PCM1: variants seen among roughly 807,000 people sequenced by gnomAD.
The protein encoded by PCM1 is pericentriolar material 1.
Under a neutral mutation model 241.9 loss-of-function variants are expected in PCM1, and 157 were observed. The observed-to-expected ratio is 0.65, with a 90% CI of 0.57 to 0.74. The LOEUF is 0.74. Among genes scored for constraint, PCM1 ranks in the 30% least tolerant of loss-of-function variants. The pLI is 0.00. For missense variants in PCM1, 3,478 were observed against 2,360.1 expected (o/e 1.47, Z -9.81); for synonymous variants, 1,085 against 784.9 (o/e 1.38, Z -6.39).
intron 7 of PCM1, among the ~76,000 whole-genome samples, chr8:17,948,702 A>G (rs961713309): frequency 1.2e-4 from 19 of 152,226 alleles, no homozygotes; most frequent in African/African-American, 3.9e-4. Flanking sequence ...TGTAAAATTT[A>G]AAGTACCATT....
Position 17,966,868 on chromosome 8 carries a change from G to A in PCM1, c.3222-112G>A, listed in dbSNP as rs2075070982. On this transcript the variant is annotated intron_variant, in intron 20 of 38. Transcript: ENST00000325083. ...AGCACGTATTTGTTACAGTATCAGA[G>A]CAGTTTGTCTGCATGCTTTTGAATC... 3.3e-6 allele frequency: 3 copies of A among 911,702 alleles called. No homozygotes were observed. In the African/African-American group the frequency reaches 5.1e-5, roughly 15 times the overall value. 56.5% of individuals were successfully genotyped at this position (911,702 alleles called of 1,614,324 possible).
At chr8:17,963,358 C>T (rs1172908436) in intron 17 of PCM1, 67 bp downstream of exon 17, 1 of 1,188,438 alleles carries the variant, frequency 8.4e-7, no homozygotes, top group South Asian at 1.5e-5. Flanking sequence ...GTAGGCTAGG[C>T]AGCCACATTT....
chr8:18,028,061 G>GAGTT lies in PCM1; in HGVS notation c.*406_*409dup, dbSNP rs952518538. On this transcript the variant is annotated 3_prime_UTR_variant, in exon 39 of 39. Transcript: ENST00000325083. ...CTGCTCAGAGAAGAGCAATGGTTAA[G>GAGTT]AGTTAGTTAGAGAAATATATTATTT... The GAGTT allele has an allele frequency of 1.1e-4, 23 of 216,412 alleles. No individual in the cohort carries two copies. Among genetic ancestry groups the GAGTT allele is most frequent in the Admixed American group, 1.7e-4 (3 of 17,222 alleles). 13.4% of individuals were successfully genotyped at this position (216,412 alleles called of 1,614,324 possible).
chr8:17,992,031 C>G (rs2084839465), intron 28 of PCM1, among the ~76,000 whole-genome samples: 1 of 152,140 alleles, frequency 6.6e-6, no homozygotes, highest in South Asian at 2.1e-4. Flanking sequence ...AATGCCATTA[C>G]TTTGTTCCTT....
chr8:17,951,998 G>A (rs1053512735), intron 8 of PCM1, among the ~76,000 whole-genome samples: 1 of 152,072 alleles, frequency 6.6e-6, no homozygotes, highest in Non-Finnish European at 1.5e-5. Context: ...CGAGGCGGGT[G>A]GATCACTTGA....
chr8:17,960,746 G>A (rs187374156), intron 15 of PCM1, among the ~76,000 whole-genome samples: 1 of 151,962 alleles, frequency 6.6e-6, no homozygotes, highest in South Asian at 2.1e-4. Context: ...GGATGGTTTC[G>A]ATCTCCTGAC....
rs2066700691 is a variant in PCM1 at position 17,953,096 on chromosome 8, A to G, written c.1198A>G (p.Met400Val). The G allele has an allele frequency of 6.2e-7, 1 of 1,602,486 alleles. No homozygotes were observed. The highest frequency in any genetic ancestry group is 1.7e-5 in the Admixed American group (1 of 58,336). The change falls in exon 9 of 39, where the codon ATG becomes GTG. Residue 400 changes from methionine to valine, a missense_variant. Physicochemically the swap from Met to Val is conservative, Grantham distance 21. Transcript: ENST00000325083. ...PDEKVELFSKMRVLQEKKQKM... is the reference protein window; with the variant it reads ...PDEKVELFSKVRVLQEKKQKM... ...TGAGAAAGTCGAACTTTTTAGCAAA[A>G]TGAGAGTGCTACAGGAAAAGAAACA...
intron 23 of PCM1, among the ~76,000 whole-genome samples, chr8:17,976,423 A>G (rs1487257208): frequency 1.3e-5 from 2 of 152,226 alleles, no homozygotes; most frequent in Non-Finnish European, 2.9e-5. Context: ...GAAAGGTCTC[A>G]TGTTTCATTA....
At chr8:17,969,439 T>A (rs1372821715) in intron 21 of PCM1, 138 bp from the exon 22 acceptor site, 5 of 664,778 alleles carry the variant, frequency 7.5e-6, no homozygotes, top group Non-Finnish European at 1.2e-5. Flanking sequence ...TGGATAAATA[T>A]TAGCTTTTTT....
intron 33 of PCM1, 145 bp downstream of exon 33, chr8:18,011,511 C>T: frequency 9.5e-7 from 1 of 1,051,116 alleles, no homozygotes; most frequent in Non-Finnish European, 1.3e-6. Context: ...ACTAAATTAT[C>T]TAGACTTTCT....
At position 17,980,691 on chromosome 8, in the gene PCM1, C is replaced by G; in HGVS notation, c.4044C>G (p.Ser1348Arg). 1.2e-6 allele frequency: 2 copies of G among 1,612,610 alleles called. No homozygotes were observed. The highest frequency in any genetic ancestry group is 4.5e-5 in the East Asian group (2 of 44,824). The change falls in exon 24 of 39, where the codon AGC (serine) becomes AGG (arginine). Residue 1348 changes from serine to arginine, a missense_variant. Ser to Arg is a moderately radical substitution (Grantham distance 110, BLOSUM62 -1). Coordinates refer to ENST00000325083, the MANE Select transcript of PCM1 (RefSeq NM_006197.4). ...TEEPVQAKVF[S>R]RKNHEQLEKI... ...AGCCTGTTCAAGCAAAAGTATTCAG[C>G]AGAAAGAATCATGAGCAACTGGAAA... is the stretch of plus-strand genomic sequence containing the variant.
At chr8:17,992,715 C>G (rs1176216695) in intron 28 of PCM1, among the ~76,000 whole-genome samples, 2 of 151,112 alleles carry the variant, frequency 1.3e-5, no homozygotes, top group Admixed American at 6.6e-5. Context: ...CTGCCAGGCT[C>G]AAGTGATTCT....
At chr8:18,019,280 A>T (rs752608494) in intron 36 of PCM1, among the ~76,000 whole-genome samples, 2 of 152,176 alleles carry the variant, frequency 1.3e-5, no homozygotes, top group Non-Finnish European at 1.5e-5. Flanking sequence ...TTTAGCTTAC[A>T]ATGGACATAA....
At chr8:17,970,141 T>A (rs1012933314) in intron 22 of PCM1, among the ~76,000 whole-genome samples, 5 of 152,156 alleles carry the variant, frequency 3.3e-5, no homozygotes, top group African/African-American at 1.2e-4. Flanking sequence ...CCTATTCAAA[T>A]ATAATGTTGA....
At position 18,011,358 on chromosome 8, in the gene PCM1, T is replaced by A. The variant is rs773017439; in HGVS notation, c.5342T>A (p.Val1781Glu). The change falls in exon 33 of 39, where the codon GTG (valine) becomes GAG (glutamate). Residue 1781 changes from valine to glutamate, a missense_variant. By Grantham distance (121) the Val-to-Glu change is moderately radical. Coordinates refer to ENST00000325083, the MANE Select transcript of PCM1 (RefSeq NM_006197.4). Reference protein sequence around the residue: ...EEDEESEGCPVSINLSKAETQ... With the variant: ...EEDEESEGCPESINLSKAETQ... ...GATGAAGAAAGTGAAGGATGTCCAG[T>A]GTCTATTAGTAAGTTTAAAGGCTCT... The A allele has an allele frequency of 3.1e-6, 5 of 1,590,414 alleles. No homozygotes were observed. Among genetic ancestry groups the A allele is most frequent in the Non-Finnish European group, 4.3e-6 (5 of 1,171,664 alleles).
At position 17,935,577 on chromosome 8, in the gene PCM1, C is replaced by A; in HGVS notation, c.-22-12C>A. 2 of 923,546 alleles carry A rather than the reference C, an allele frequency of 2.2e-6. No individual in the cohort carries two copies. The highest frequency in any genetic ancestry group is 1.4e-5 in the South Asian group (1 of 73,634). 57.2% of individuals were successfully genotyped at this position (923,546 alleles called of 1,614,324 possible). On this transcript the variant is annotated splice_polypyrimidine_tract_variant and intron_variant, in intron 2 of 38. Transcript: ENST00000325083. Reference sequence around the variant, plus strand: ...ATGTGTTATAAAGCTCAGTTCTTAACTTGTTTCGCAGAGAGTTAATTGTTA... The same window carrying A: ...ATGTGTTATAAAGCTCAGTTCTTAAATTGTTTCGCAGAGAGTTAATTGTTA...
chr8:17,928,912 G>A (rs771655126), intron 2 of PCM1, among the ~76,000 whole-genome samples: 12 of 152,032 alleles, frequency 7.9e-5, no homozygotes, highest in Non-Finnish European at 1.2e-4. Flanking sequence ...TATTACAGGC[G>A]TGAGCCACCG....
intron 2 of PCM1, among the ~76,000 whole-genome samples, chr8:17,931,908 G>A (rs886627787): frequency 6.6e-6 from 1 of 152,006 alleles, no homozygotes; most frequent in African/African-American, 2.4e-5. Context: ...TACGTAAACT[G>A]TTCCTGAAAA....
chr8:18,022,219 C>A (rs1268794178), intron 36 of PCM1, among the ~76,000 whole-genome samples: 1 of 152,158 alleles, frequency 6.6e-6, no homozygotes, highest in Non-Finnish European at 1.5e-5. Flanking sequence ...GAAAGCCTTT[C>A]CCTAGGAGCA....
Sources: allele counts gnomAD v4.1 joint callset (sites outside exome capture counted in the v4.1 genomes callset), GRCh38; gene constraint gnomAD v4.1.1; transcripts MANE v1.5; gene names NCBI Gene and HGNC (gene_info 2026-07-23, HGNC 2026-07-21).